The following GLCCI1 variants were observed in gnomAD, a reference collection of about 807,000 sequenced individuals.
GLCCI1 encodes glucocorticoid-induced transcript 1 protein.
GLCCI1 carries 24 observed loss-of-function variants against 52.2 expected under a neutral mutation model. That is an observed-to-expected ratio of 0.46 (90% CI 0.33 to 0.65). GLCCI1 has a LOEUF of 0.65. Among genes scored for constraint, GLCCI1 ranks in the 30% least tolerant of loss-of-function variants. The pLI, the probability that GLCCI1 is intolerant of heterozygous loss-of-function variation, is 0.02. For missense variants in GLCCI1, 704 were observed against 701.5 expected, an observed-to-expected ratio of 1.00 and a Z score of -0.04; for synonymous variants, 310 against 276.5, an observed-to-expected ratio of 1.12 and a Z score of -1.20.
At chr7:7,989,574 C>T (rs1357083157) in intron 1 of GLCCI1, among the ~76,000 whole-genome samples, 3 of 152,098 alleles carry the variant, frequency 2.0e-5, no homozygotes, top group Non-Finnish European at 2.9e-5. Context: ...ACTTGAGGCT[C>T]TTCCCAAAAG....
At chr7:8,050,048 C>G (rs1782223111) in intron 3 of GLCCI1, among the ~76,000 whole-genome samples, 1 of 152,074 alleles carries the variant, frequency 6.6e-6, no homozygotes, top group Admixed American at 6.6e-5. Context: ...CCAAAGCTAG[C>G]TGTATCTGTA....
chr7:8,082,846 A>C (rs907175928), intron 6 of GLCCI1, among the ~76,000 whole-genome samples: 1 of 152,244 alleles, frequency 6.6e-6, no homozygotes, highest in East Asian at 1.9e-4. Context: ...TCTAGCCTTC[A>C]GTTATGAGAA....
Position 8,058,271 on chromosome 7 carries a change from G to C in GLCCI1, c.814-1825G>C, listed in dbSNP as rs76585335. On this transcript the variant is annotated intron_variant, in intron 4 of 7. Coordinates refer to ENST00000223145, the MANE Select transcript of GLCCI1 (RefSeq NM_138426.4). The stretch of plus-strand genomic sequence containing the variant: ...CATGAAATATAAGACACATAAATGG[G>C]AAGTCTTAACACATTAATAGATGGG... 2.1e-3 allele frequency among the ~76,000 whole-genome samples: 323 copies of C among 152,258 alleles called. 10 individuals carry two copies. The East Asian group carries it at 0.049, about 23-fold the overall frequency.
chr7:8,074,178 CTT>C (rs1004991759), intron 6 of GLCCI1, among the ~76,000 whole-genome samples: 6 of 151,982 alleles, frequency 3.9e-5, no homozygotes, highest in African/African-American at 1.5e-4. Context: ...TGATATCTGT[CTT>C]TAAGGAATTT....
At chr7:8,047,441 G>T (rs1211706785) in intron 3 of GLCCI1, among the ~76,000 whole-genome samples, 3 of 152,192 alleles carry the variant, frequency 2.0e-5, no homozygotes, top group Non-Finnish European at 2.9e-5. Context: ...AGGAAATAAG[G>T]ATTTAATGAA....
intron 3 of GLCCI1, among the ~76,000 whole-genome samples, chr7:8,023,588 C>CCTT (rs1781543370): frequency 2.4e-5 from 1 of 41,984 alleles, no homozygotes; most frequent in African/African-American, 1.0e-4. Context: ...CTCTGTTATT[C>CCTT]TTTTTTTTTT....
intron 6 of GLCCI1, among the ~76,000 whole-genome samples, chr7:8,079,066 T>C (rs1200744114): frequency 6.6e-6 from 1 of 152,244 alleles, no homozygotes; most frequent in Admixed American, 6.5e-5. Flanking sequence ...AGTGAATATT[T>C]AAAATTGTAG....
intron 2 of GLCCI1, among the ~76,000 whole-genome samples, chr7:8,020,632 AAATG>A (rs1562430798): frequency 6.6e-6 from 1 of 152,236 alleles, no homozygotes; most frequent in African/African-American, 2.4e-5. Context: ...GGGCTGTACA[AAATG>A]AATGTAATTC....
At chr7:8,018,285 A>AT (rs554115750) in intron 2 of GLCCI1, among the ~76,000 whole-genome samples, 6 of 151,984 alleles carry the variant, frequency 3.9e-5, no homozygotes, top group South Asian at 4.2e-4. Context: ...TTGTTGATGG[A>AT]TTTTTTTTAA....
rs115619276 is a variant in GLCCI1, at chr7:8,071,228, A to G, written c.1177+97A>G. 3,798 of 949,110 alleles carry G rather than the reference A, an allele frequency of 4.0e-3. 71 individuals carry two copies. In the African/African-American group the frequency reaches 0.049, roughly 12 times the overall value. 58.8% of individuals were successfully genotyped at this position (949,110 alleles called of 1,614,324 possible). On this transcript the variant is annotated intron_variant, in intron 6 of 7. Transcript: ENST00000223145. ...CATCTTTTTTTTTTTCTTTTGTTCA[A>G]TGGTGACATTGTCAAAGATTGGTTA... is the stretch of plus-strand genomic sequence containing the variant.
In GLCCI1 at chr7:8,070,904, T is replaced by C; in HGVS notation, c.967-17T>C. 1.9e-6 allele frequency: 3 copies of C among 1,607,586 alleles called. No homozygotes were observed. Among genetic ancestry groups the C allele is most frequent in the Non-Finnish European group, 2.6e-6 (3 of 1,174,380 alleles). Reference sequence around the variant, plus strand: ...TATGCACCAGCATTTGGATGTTTAATGGTATTCCTCTTACAGCCGTTGGAC... The same window carrying C: ...TATGCACCAGCATTTGGATGTTTAACGGTATTCCTCTTACAGCCGTTGGAC... On this transcript the variant is annotated splice_polypyrimidine_tract_variant and intron_variant, in intron 5 of 7. Coordinates refer to ENST00000223145, the MANE Select transcript of GLCCI1 (RefSeq NM_138426.4).
At chr7:8,016,319 A>G (rs1204484702) in intron 2 of GLCCI1, among the ~76,000 whole-genome samples, 1 of 152,086 alleles carries the variant, frequency 6.6e-6, no homozygotes, top group Non-Finnish European at 1.5e-5. Context: ...AATACAAAAA[A>G]TTAGCCGGGT....
At chr7:8,015,853 C>T (rs575274607) in intron 2 of GLCCI1, among the ~76,000 whole-genome samples, 20 of 152,182 alleles carry the variant, frequency 1.3e-4, no homozygotes, top group Non-Finnish European at 2.8e-4. Flanking sequence ...AGGCCTTTCC[C>T]ATACCCCCGT....
At chr7:8,085,814 C>G (rs1584031647) in intron 7 of GLCCI1, among the ~76,000 whole-genome samples, 1 of 152,280 alleles carries the variant, frequency 6.6e-6, no homozygotes, top group East Asian at 1.9e-4. Context: ...TGTTTAAATA[C>G]GTGATGGACG....
intron 2 of GLCCI1, among the ~76,000 whole-genome samples, chr7:8,016,318 A>C (rs35509690): frequency 0.062 from 9,357 of 152,068 alleles, 303 homozygotes; most frequent in East Asian, 0.091. Flanking sequence ...AAATACAAAA[A>C]ATTAGCCGGG....
intron 1 of GLCCI1, among the ~76,000 whole-genome samples, chr7:7,977,164 C>T (rs1040378719): frequency 5.9e-5 from 9 of 152,102 alleles, no homozygotes; most frequent in Admixed American, 2.0e-4. Flanking sequence ...CATTTTCTAA[C>T]GTCATTACAC....
intron 3 of GLCCI1, among the ~76,000 whole-genome samples, chr7:8,054,121 C>G (rs1355796356): frequency 6.6e-6 from 1 of 152,050 alleles, no homozygotes; most frequent in Non-Finnish European, 1.5e-5. Context: ...CATATAAGCT[C>G]TTTGCAGTTT....
chr7:8,060,447 A>C (rs1249628127), intron 5 of GLCCI1, among the ~76,000 whole-genome samples, 199 bp downstream of exon 5: 1 of 152,084 alleles, frequency 6.6e-6, no homozygotes, highest in African/African-American at 2.4e-5. Context: ...CATTTTCATC[A>C]CCCCAAAAAG....
At chr7:7,970,828 T>C (rs1406536563) in intron 1 of GLCCI1, among the ~76,000 whole-genome samples, 1 of 152,188 alleles carries the variant, frequency 6.6e-6, no homozygotes, top group Non-Finnish European at 1.5e-5. Flanking sequence ...GAGCTACAGA[T>C]GCTGCTGCTG....
Sources: gnomAD v4.1 joint callset for allele counts (sites outside exome capture counted in the v4.1 genomes callset) on GRCh38, gnomAD v4.1.1 for gene constraint, MANE v1.5 for transcripts, NCBI Gene and HGNC (gene_info 2026-07-23, HGNC 2026-07-21) for gene names.